The following HDGF variants were observed in gnomAD, a reference collection of about 807,000 sequenced individuals.
The protein encoded by HDGF is heparin binding growth factor.
Under a neutral mutation model 30.0 loss-of-function variants are expected in HDGF, and 5 were observed. The observed-to-expected ratio is 0.17, with a 90% CI of 0.09 to 0.35. HDGF has a LOEUF of 0.35. Ranked by LOEUF, HDGF falls within the 10% of genes least tolerant of loss-of-function variation. The pLI is 1.00. For synonymous variants in HDGF, 133 were observed against 112.7 expected (o/e 1.18, Z -1.14); for missense variants, 214 against 302.8 (o/e 0.71, Z 2.18).
At chr1:156,751,727 C>CG, upstream of HDGF, 1 of 1,180,186 alleles carries the variant, frequency 8.5e-7, no homozygotes, top group Non-Finnish European at 1.0e-6. The surrounding 1 kb of genome is among the most constrained non-coding windows in gnomAD (Gnocchi z 4.7). Context: ...ACCCCCCGCC[C>CG]GGTCCCCACT....
At chr1:156,754,361 C>T (rs1170727852), upstream of HDGF, among the ~76,000 whole-genome samples, 1 of 152,324 alleles carries the variant, frequency 6.6e-6, no homozygotes, top group East Asian at 1.9e-4. Context: ...AACAAAATCT[C>T]TTGGGCCTCT....
chr1:156,753,897 T>A (rs1430043742), upstream of HDGF, among the ~76,000 whole-genome samples: 1 of 151,332 alleles, frequency 6.6e-6, no homozygotes, highest in African/African-American at 2.4e-5. Flanking sequence ...CAAACATGGT[T>A]TTTTGTTTGT....
intron 2 of HDGF, among the ~76,000 whole-genome samples, chr1:156,758,166 C>T (rs192109413): frequency 4.6e-5 from 7 of 152,088 alleles, no homozygotes; most frequent in African/African-American, 1.2e-4. Flanking sequence ...GGCGTGGTGG[C>T]GCACATCTGT....
chr1:156,748,901 G>A (rs1392018367), intron 1 of HDGF, among the ~76,000 whole-genome samples: 1 of 152,220 alleles, frequency 6.6e-6, no homozygotes, highest in African/African-American at 2.4e-5. Context: ...GGGGGAAGGG[G>A]CACCGGGAGG....
At chr1:156,759,431 A>G (rs1011844099) in intron 1 of HDGF, among the ~76,000 whole-genome samples, 1 of 148,630 alleles carries the variant, frequency 6.7e-6, no homozygotes, top group African/African-American at 2.5e-5. Context: ...TCAGCAATAT[A>G]TTTTGAGACT....
At chr1:156,765,242 G>A (rs1292696412) in intron 1 of HDGF, among the ~76,000 whole-genome samples, 2 of 151,088 alleles carry the variant, frequency 1.3e-5, no homozygotes, top group Non-Finnish European at 2.9e-5. Context: ...ACAGGCGCCC[G>A]CCACCGCACC....
At chr1:156,751,964 C>T, upstream of HDGF, 1 of 1,409,728 alleles carries the variant, frequency 7.1e-7, no homozygotes, top group African/African-American at 1.4e-5. This position sits in a 1 kb window ranked among gnomAD's most constrained non-coding sequence, Gnocchi z 4.7. Context: ...TGGGTGCCCG[C>T]CCGCCCGGGA....
rs565989356 is a variant in HDGF at position 156,751,556 on chromosome 1, C to G, written c.-127G>C. ...CGGCCCCCGCCTCGATGGTGGCCCC[C>G]GGCCCGAGCTCCGGCGCGGCCACGG... On this transcript the variant is annotated 5_prime_UTR_variant, in exon 1 of 6. Transcript: ENST00000357325. This position sits in a 1 kb window ranked among gnomAD's most constrained non-coding sequence, Gnocchi z 4.7. 6 of 994,372 alleles carry G rather than the reference C, an allele frequency of 6.0e-6. No homozygotes were observed. The highest frequency in any genetic ancestry group is 1.8e-5 in the African/African-American group (1 of 57,014). The allele number at this position is 994,372 out of a possible 1,614,324, so 61.6% of individuals were successfully genotyped here.
At chr1:156,764,886 CA>C (rs555336967) in intron 1 of HDGF, among the ~76,000 whole-genome samples, 4,364 of 118,136 alleles carry the variant, frequency 0.037, 86 homozygotes, top group South Asian at 0.16. Context: ...ACTCTATCTC[CA>C]AAAAAAAAAA....
At chr1:156,763,785 A>G (rs748775524) in intron 1 of HDGF, among the ~76,000 whole-genome samples, 4 of 151,908 alleles carry the variant, frequency 2.6e-5, no homozygotes, top group Non-Finnish European at 5.9e-5. Context: ...ACGGGGTTTC[A>G]CCGTGTTGCC....
intron 1 of HDGF, among the ~76,000 whole-genome samples, chr1:156,764,882 T>C (rs1239298146): frequency 7.2e-6 from 1 of 138,136 alleles, no homozygotes; most frequent in African/African-American, 2.7e-5. Context: ...CAAGACTCTA[T>C]CTCCAAAAAA....
chr1:156,747,795 G>C (rs890460363), intron 1 of HDGF, among the ~76,000 whole-genome samples: 2 of 152,130 alleles, frequency 1.3e-5, no homozygotes, highest in African/African-American at 4.8e-5. Context: ...GTGGGTGAAA[G>C]TTCAGAAATA....
chr1:156,751,924 G>T, upstream of HDGF: 2 of 1,067,576 alleles, frequency 1.9e-6, no homozygotes, highest in Non-Finnish European at 1.3e-6. The surrounding 1 kb of genome is among the most constrained non-coding windows in gnomAD (Gnocchi z 4.7). Flanking sequence ...CGCCGAGCAC[G>T]CCGAGCAGGC....
intron 5 of HDGF, 96 bp downstream of exon 5, chr1:156,743,556 C>G (rs1571538191): frequency 1.3e-6 from 2 of 1,572,324 alleles, no homozygotes; most frequent in Non-Finnish European, 1.7e-6. Flanking sequence ...CCCTGCCTCC[C>G]GAGAGGCTGA....
chr1:156,753,672 T>C (rs1651091960), upstream of HDGF, among the ~76,000 whole-genome samples: 1 of 151,984 alleles, frequency 6.6e-6, no homozygotes, highest in Non-Finnish European at 1.5e-5. Context: ...TGCCTCAGCC[T>C]CCTGAGTAGC....
At chr1:156,759,058 T>C (rs1348449805) in exon 2 of HDGF, 1 of 152,128 alleles carries the variant, frequency 6.6e-6, no homozygotes, top group Non-Finnish European at 1.5e-5. Context: ...TTCCAAGAAT[T>C]ATGGTGACAA....
chr1:156,743,477 G>C (rs780792261), intron 5 of HDGF, 22 bp from the exon 6 acceptor site: 2 of 1,535,288 alleles, frequency 1.3e-6, no homozygotes, highest in Non-Finnish European at 1.8e-6. Flanking sequence ...GGTTGGAGGG[G>C]AGAAGGGTTA....
chr1:156,752,352 T>G, upstream of HDGF: 1 of 1,551,720 alleles, frequency 6.4e-7, no homozygotes. Context: ...ATTGGCCACC[T>G]TCCGGGTGCA....
At position 156,762,200 on chromosome 1, in the gene HDGF, A is replaced by T. The variant is rs183658013; in HGVS notation, n.137-2981T>A. Among the ~76,000 whole-genome samples the T allele has an allele frequency of 1.5e-3, 221 of 151,864 alleles. 1 individual carries two copies. The highest frequency in any genetic ancestry group is 5.1e-3 in the African/African-American group (211 of 41,456). On this transcript the variant is annotated intron_variant and non_coding_transcript_variant, in intron 1 of 7. Transcript: ENST00000465180. ...AAAACTCTTGCAAATCAATAAAAGG[A>T]TAAACAATAGGAAAACAAACAACAT...
Sources: allele counts gnomAD v4.1 joint callset (sites outside exome capture counted in the v4.1 genomes callset), GRCh38; gene constraint gnomAD v4.1.1; non-coding constraint Gnocchi (gnomAD v3.1); transcripts MANE v1.5; gene names NCBI Gene and HGNC (gene_info 2026-07-23, HGNC 2026-07-21).